PDE4D: variants seen among roughly 807,000 people sequenced by gnomAD.
PDE4D encodes 3',5'-cyclic-AMP phosphodiesterase 4D.
A neutral mutation model predicts 87.4 loss-of-function variants in PDE4D; 24 were observed. That is an observed-to-expected ratio of 0.27 (90% confidence interval 0.20 to 0.39). The LOEUF is 0.39. Ranked by LOEUF, PDE4D falls within the 10% of genes least tolerant of loss-of-function variation. The probability of loss-of-function intolerance (pLI) is 1.00; values close to 1 mark genes in which losing one functional copy is unlikely to be tolerated. For missense variants in PDE4D, 714 were observed against 1,041.0 expected (o/e 0.69, Z 4.32); for synonymous variants, 384 against 383.2 (o/e 1.00, Z -0.02).
intron 1 of PDE4D, among the ~76,000 whole-genome samples, chr5:60,215,437 A>G (rs751388961): frequency 1.3e-5 from 2 of 152,168 alleles, no homozygotes; most frequent in Non-Finnish European, 2.9e-5. Flanking sequence ...TTAATCTGAT[A>G]TATGAATCTA....
intron 1 of PDE4D, among the ~76,000 whole-genome samples, chr5:60,227,889 T>C (rs572699725): frequency 6.6e-6 from 1 of 152,230 alleles, no homozygotes; most frequent in African/African-American, 2.4e-5. Context: ...TGGCTCCCAT[T>C]TTTTCATTGC....
At chr5:59,166,133 A>G (rs1248109082) in intron 5 of PDE4D, 17 of 152,300 alleles carry the variant, frequency 1.1e-4, no homozygotes, top group Admixed American at 8.5e-4. Flanking sequence ...CAAGCAAAGG[A>G]TCATTGCTGA....
At chr5:60,000,160 C>T (rs1763895052) in intron 2 of PDE4D, among the ~76,000 whole-genome samples, 2 of 151,840 alleles carry the variant, frequency 1.3e-5, no homozygotes, top group African/African-American at 2.4e-5. Context: ...GAGAGAAGGA[C>T]AGAAAGCTTA....
At chr5:59,768,313 A>C in intron 1 of PDE4D, 4 of 1,598,242 alleles carry the variant, frequency 2.5e-6, no homozygotes, top group Non-Finnish European at 3.4e-6. Flanking sequence ...TCTGCGCAGA[A>C]GCCTGGGGGA....
At chr5:59,718,748 C>T (rs899963592) in intron 1 of PDE4D, among the ~76,000 whole-genome samples, 5 of 151,982 alleles carry the variant, frequency 3.3e-5, no homozygotes, top group Admixed American at 6.6e-5. Context: ...TGATTTTATA[C>T]AATGAAAGAA....
intron 1 of PDE4D, among the ~76,000 whole-genome samples, chr5:59,431,790 C>T (rs756611509): frequency 2.6e-5 from 4 of 152,084 alleles, no homozygotes; most frequent in African/African-American, 9.7e-5. Context: ...CCCACCTTCA[C>T]CCTCAAGTAG....
At chr5:59,809,032 T>A (rs1768046607) in intron 1 of PDE4D, among the ~76,000 whole-genome samples, 1 of 152,156 alleles carries the variant, frequency 6.6e-6, no homozygotes, top group South Asian at 2.1e-4. Flanking sequence ...CAGTGACATA[T>A]CGAGTCACTA....
At chr5:59,030,629 G>A (rs780978304) in intron 6 of PDE4D, among the ~76,000 whole-genome samples, 1 of 151,930 alleles carries the variant, frequency 6.6e-6, no homozygotes, top group Non-Finnish European at 1.5e-5. Context: ...TGGCTACTTG[G>A]GAGGCTGAGG....
chr5:59,214,403 T>C (rs963077484), intron 2 of PDE4D, among the ~76,000 whole-genome samples: 12 of 152,146 alleles, frequency 7.9e-5, no homozygotes, highest in African/African-American at 2.9e-4. Context: ...GCCATAATTT[T>C]CCATGCCTCA....
At position 60,283,024 on chromosome 5, in the gene PDE4D, A is replaced by G. The variant is rs192942218; in HGVS notation, c.-89-97337T>C. ...GTGGAGTGTTCTAAAATGTTGATGC[A>G]GTTATTTGATTGTTTTTTCAAGTTT... On this transcript the variant is annotated intron_variant, in intron 1 of 16. Coordinates refer to the PDE4D transcript ENST00000502484. 1.4e-4 allele frequency among the ~76,000 whole-genome samples: 22 copies of G among 152,238 alleles called. No individual in the cohort carries two copies. In the East Asian group the frequency reaches 3.9e-3, roughly 27 times the overall value.
At position 58,974,630 on chromosome 5, in the gene PDE4D, TAAAAAA is replaced by T. The variant is rs10718401; in HGVS notation, c.*28_*33del. On this transcript the variant is annotated 3_prime_UTR_variant, in exon 15 of 15. Transcript: ENST00000340635. The stretch of plus-strand genomic sequence containing the variant: ...GCACTTTGGAAACAATTTTTCTACT[TAAAAAA>T]AAAAAAGGCATGAAAGTTTTTGCAC... 26 of 1,233,430 alleles carry T rather than the reference TAAAAAA, an allele frequency of 2.1e-5. No homozygotes were observed. In the African/African-American group the frequency reaches 2.8e-4, roughly 13 times the overall value. The allele number at this position is 1,233,430 out of a possible 1,614,324, so 76.4% of individuals were successfully genotyped here.
chr5:59,758,259 T>C (rs1761528586), intron 1 of PDE4D, among the ~76,000 whole-genome samples: 1 of 152,192 alleles, frequency 6.6e-6, no homozygotes, highest in South Asian at 2.1e-4. Flanking sequence ...TAACAATACT[T>C]ACATCCAACC....
At chr5:59,388,230 A>G (rs1787492987) in intron 1 of PDE4D, among the ~76,000 whole-genome samples, 1 of 152,158 alleles carries the variant, frequency 6.6e-6, no homozygotes, top group Admixed American at 6.6e-5. Context: ...AAGCCATACC[A>G]ATGGCCAACA....
chr5:59,098,545 A>T lies in PDE4D; in HGVS notation c.809-59574T>A, dbSNP rs867794580. On this transcript the variant is annotated intron_variant, in intron 5 of 14. Coordinates refer to ENST00000340635, the MANE Select transcript of PDE4D (RefSeq NM_001104631.2). Reference sequence around the variant, plus strand: ...AGACCTCATCTCTACAAAAAATTAAAAAAAAAAAAATTGCTGGGTATGGTG... The same window carrying T: ...AGACCTCATCTCTACAAAAAATTAATAAAAAAAAAATTGCTGGGTATGGTG... Among the ~76,000 whole-genome samples the T allele has an allele frequency of 3.2e-3, 477 of 147,146 alleles. 1 individual carries two copies. The highest frequency in any genetic ancestry group is 0.012 in the African/African-American group (464 of 38,104).
chr5:59,500,443 G>A (rs1032794897), intron 1 of PDE4D, among the ~76,000 whole-genome samples: 3 of 152,142 alleles, frequency 2.0e-5, no homozygotes, highest in African/African-American at 4.8e-5. Context: ...ATGAAATCAT[G>A]TTCCTTGCAG....
chr5:59,349,420 A>G (rs748615065), intron 1 of PDE4D, among the ~76,000 whole-genome samples: 1 of 152,084 alleles, frequency 6.6e-6, no homozygotes, highest in Non-Finnish European at 1.5e-5. Flanking sequence ...CCTCTTTTGT[A>G]AGAAGTATTC....
At chr5:59,230,014 C>T (rs924313157) in intron 1 of PDE4D, among the ~76,000 whole-genome samples, 11 of 152,096 alleles carry the variant, frequency 7.2e-5, no homozygotes, top group Admixed American at 7.2e-4. Flanking sequence ...CTCGAACTCC[C>T]GACCTCAGGC....
chr5:60,388,426 G>A (rs1054440782), intron 1 of PDE4D, among the ~76,000 whole-genome samples: 2 of 151,590 alleles, frequency 1.3e-5, no homozygotes, highest in East Asian at 1.9e-4. Flanking sequence ...TATGCAGAAC[G>A]TGCAGGTTTG....
chr5:60,033,821 C>T (rs982760209), intron 2 of PDE4D, among the ~76,000 whole-genome samples: 5 of 152,150 alleles, frequency 3.3e-5, no homozygotes, highest in Admixed American at 3.3e-4. Flanking sequence ...GTAAAGCACC[C>T]AGAGAAATTT....
Sources: gnomAD v4.1 joint callset for allele counts (sites outside exome capture counted in the v4.1 genomes callset) on GRCh38, gnomAD v4.1.1 for gene constraint, MANE v1.5 for transcripts, NCBI Gene and HGNC (gene_info 2026-07-23, HGNC 2026-07-21) for gene names.